DNAH3: variants seen among roughly 807,000 people sequenced by gnomAD.
The protein encoded by DNAH3 is axonemal beta dynein heavy chain 3.
In DNAH3, 332 loss-of-function variants were observed where a neutral mutation model predicts 432.5. The observed-to-expected ratio is 0.77, with a 90% confidence interval of 0.70 to 0.84. DNAH3 has a LOEUF of 0.84. Among genes scored for constraint, DNAH3 ranks in the 40% least tolerant of loss-of-function variants. DNAH3 has a pLI of 0.00. For synonymous variants in DNAH3, 1,956 were observed against 1,900.2 expected, an observed-to-expected ratio of 1.03 and a Z score of -0.76; for missense variants, 4,861 against 5,114.0, an observed-to-expected ratio of 0.95 and a Z score of 1.51.
intron 51 of DNAH3, among the ~76,000 whole-genome samples, chr16:20,973,354 G>A (rs1294081970): frequency 6.6e-6 from 1 of 152,052 alleles, no homozygotes; most frequent in Admixed American, 6.6e-5. Context: ...TCGGGTTCAA[G>A]AAATTCTCCC....
At chr16:20,989,076 A>G (rs922093923) in intron 44 of DNAH3, among the ~76,000 whole-genome samples, 1 of 152,212 alleles carries the variant, frequency 6.6e-6, no homozygotes, top group Non-Finnish European at 1.5e-5. Context: ...GCGAAAGAAC[A>G]AAGCTTCCAC....
chr16:21,061,992 G>T (rs2090376855), intron 25 of DNAH3, among the ~76,000 whole-genome samples: 2 of 152,140 alleles, frequency 1.3e-5, no homozygotes, highest in South Asian at 4.2e-4. Flanking sequence ...TTCCACTTGA[G>T]GGTGCTGTCA....
At chr16:21,048,536 G>C (rs901357278) in intron 31 of DNAH3, among the ~76,000 whole-genome samples, 7 of 152,172 alleles carry the variant, frequency 4.6e-5, no homozygotes, top group South Asian at 2.1e-4. Flanking sequence ...TGCTTCGGCT[G>C]GCGCACGGTG....
intron 11 of DNAH3, among the ~76,000 whole-genome samples, chr16:21,119,880 G>A (rs994586649): frequency 1.3e-5 from 2 of 150,372 alleles, no homozygotes; most frequent in African/African-American, 4.8e-5. Flanking sequence ...AGTAGAGACG[G>A]GGTTTCACCA....
chr16:21,131,506 A>AG (rs2092559942), intron 7 of DNAH3, among the ~76,000 whole-genome samples: 2 of 131,200 alleles, frequency 1.5e-5, no homozygotes, highest in African/African-American at 5.9e-5. Flanking sequence ...GATGAGAGAG[A>AG]AGGAAGGAAG....
intron 38 of DNAH3, among the ~76,000 whole-genome samples, chr16:21,025,461 CTGTAATTATAGATATAATTA>C (rs1299331254): frequency 1.4e-5 from 2 of 144,932 alleles, no homozygotes; most frequent in African/African-American, 2.6e-5. Context: ...ATATAATATA[CTGTAATTATAGATATAATTA>C]TGTAATTATA....
At chr16:21,013,122 C>A (rs1346239337) in intron 41 of DNAH3, among the ~76,000 whole-genome samples, 2 of 151,628 alleles carry the variant, frequency 1.3e-5, no homozygotes, top group African/African-American at 4.9e-5. Flanking sequence ...CTAAAGAGAG[C>A]AATTAAATAA....
chr16:21,069,868 A>T (rs2090718903), intron 22 of DNAH3, among the ~76,000 whole-genome samples: 1 of 152,190 alleles, frequency 6.6e-6, no homozygotes, highest in Non-Finnish European at 1.5e-5. Flanking sequence ...GTGAGAAGTG[A>T]TGGTCTGAGT....
chr16:21,132,855 G>T (rs1415070593), intron 7 of DNAH3, among the ~76,000 whole-genome samples: 1 of 151,880 alleles, frequency 6.6e-6, no homozygotes, highest in African/African-American at 2.4e-5. Flanking sequence ...AACTTGCATT[G>T]TGTACTTTCA....
chr16:21,038,022 T>C (rs1257185979), intron 33 of DNAH3, 42 bp from the exon 34 acceptor site: 1 of 1,562,778 alleles, frequency 6.4e-7, no homozygotes, highest in South Asian at 1.1e-5. Context: ...CAGAGAGGAC[T>C]ACGTCCTGCC....
At chr16:20,979,721 G>T (rs1447637141) in intron 49 of DNAH3, among the ~76,000 whole-genome samples, 175 bp from the exon 50 acceptor site, 1 of 152,022 alleles carries the variant, frequency 6.6e-6, no homozygotes, top group Non-Finnish European at 1.5e-5. Context: ...GATGGGGCAG[G>T]TACATAGGTG....
At chr16:21,000,583 A>T in intron 42 of DNAH3, 65 bp from the exon 43 acceptor site, 1 of 1,439,552 alleles carries the variant, frequency 6.9e-7, no homozygotes, top group Non-Finnish European at 9.5e-7. Context: ...CTTGGCATTC[A>T]AGAGACCTGG....
chr16:20,980,278 C>CATATATTATAATATACATA, intron 49 of DNAH3, among the ~76,000 whole-genome samples: 1 of 131,868 alleles, frequency 7.6e-6, no homozygotes, highest in Non-Finnish European at 1.6e-5. Flanking sequence ...TAATATACAT[C>CATATATTATAATATACATA]ATATATTATA....
intron 16 of DNAH3, 142 bp downstream of exon 16, chr16:21,104,329 C>G: frequency 1.4e-6 from 1 of 714,780 alleles, no homozygotes; most frequent in South Asian, 1.7e-5. Context: ...AAGGAAATGC[C>G]TTCTCCACCA....
At chr16:21,115,300 G>T (rs1333153073) in intron 12 of DNAH3, among the ~76,000 whole-genome samples, 1 of 151,102 alleles carries the variant, frequency 6.6e-6, no homozygotes, top group Non-Finnish European at 1.5e-5. Context: ...TAAATGACGA[G>T]TTAATGGGTG....
In DNAH3 at chr16:21,075,461, T is replaced by C. The variant is rs200671634; in HGVS notation, c.3070A>G (p.Lys1024Glu). 8.1e-5 allele frequency: 131 copies of C among 1,613,696 alleles called. No individual in the cohort carries two copies. The highest frequency in any genetic ancestry group is 1.0e-4 in the Admixed American group (6 of 60,010). Residue 1024 changes from lysine to glutamate, a missense_variant, in exon 21 of 62, where the codon AAA becomes GAA. Physicochemically the swap from Lys to Glu is moderately conservative, Grantham distance 56. Coordinates refer to ENST00000261383, the Ensembl canonical transcript of DNAH3. The stretch of plus-strand genomic sequence containing the variant: ...GTGAGACTCACAGTGTCCCTGTATT[T>C]CACGAAGCTGAACGTCACGTTAACC...
intron 1 of DNAH3, among the ~76,000 whole-genome samples, chr16:21,155,881 A>G (rs1247016228): frequency 1.3e-5 from 2 of 152,182 alleles, no homozygotes; most frequent in Non-Finnish European, 2.9e-5. Flanking sequence ...TCTTATTCAG[A>G]GGCTGGTATT....
chr16:21,148,262 T>C (rs550618797), intron 1 of DNAH3, among the ~76,000 whole-genome samples: 9 of 152,168 alleles, frequency 5.9e-5, no homozygotes, highest in South Asian at 2.1e-4. Context: ...GCAGCAATAC[T>C]ATCTACCATT....
chr16:21,002,222 C>T (rs1350634243), intron 42 of DNAH3, among the ~76,000 whole-genome samples: 1 of 152,066 alleles, frequency 6.6e-6, no homozygotes, highest in East Asian at 1.9e-4. Flanking sequence ...ATAAACTATG[C>T]CCACTAGATT....
Sources: gnomAD v4.1 joint callset for allele counts (sites outside exome capture counted in the v4.1 genomes callset) on GRCh38, gnomAD v4.1.1 for gene constraint, MANE v1.5 for transcripts, NCBI Gene and HGNC (gene_info 2026-07-23, HGNC 2026-07-21) for gene names.